The following PRKCE variants were observed in gnomAD, a reference collection of about 807,000 sequenced individuals.
PRKCE encodes protein kinase C epsilon type.
PRKCE carries 16 observed loss-of-function variants against 85.4 expected under a neutral mutation model. That is an observed-to-expected ratio of 0.19 (90% confidence interval 0.13 to 0.28). The LOEUF (loss-of-function observed/expected upper bound fraction) is 0.28, where lower values mean the gene tolerates loss of function less well. PRKCE is among the 10% of genes least tolerant of loss of function. The probability of loss-of-function intolerance (pLI) is 1.00; values close to 1 mark genes in which losing one functional copy is unlikely to be tolerated. For synonymous variants in PRKCE, 388 were observed against 371.5 expected (o/e 1.04, Z -0.51); for missense variants, 573 against 975.2 (o/e 0.59, Z 5.49).
intron 1 of PRKCE, among the ~76,000 whole-genome samples, chr2:45,777,573 C>T (rs749745612): frequency 6.6e-6 from 1 of 152,180 alleles, no homozygotes; most frequent in Non-Finnish European, 1.5e-5. Context: ...GCCAGACATA[C>T]GTCTAGCACC....
rs1275430532 is a variant in PRKCE at position 46,185,078 on chromosome 2, G to C, written c.*197G>C. ...ACCTGGTGACCAGAAGGCGCTCTCG[G>C]TTCTTGTCTCACCAGTAATGCAGAC... On this transcript the variant is annotated 3_prime_UTR_variant, in exon 15 of 15. Transcript: ENST00000306156. The surrounding 1 kb of genome is among the most constrained non-coding windows in gnomAD (Gnocchi z 4.7). The C allele has an allele frequency of 6.0e-6, 4 of 664,578 alleles. No homozygotes were observed. In the East Asian group the frequency reaches 1.1e-4, roughly 19 times the overall value. 41.2% of individuals were successfully genotyped at this position (664,578 alleles called of 1,614,324 possible).
intron 14 of PRKCE, among the ~76,000 whole-genome samples, chr2:46,173,787 CCAGA>C (rs914872960): frequency 6.9e-4 from 105 of 152,340 alleles, no homozygotes; most frequent in Non-Finnish European, 4.4e-5. Context: ...CAGCTAATTC[CCAGA>C]CAAACGATAG....
intron 2 of PRKCE, among the ~76,000 whole-genome samples, chr2:45,923,655 G>T (rs907741166): frequency 2.0e-5 from 3 of 152,200 alleles, no homozygotes; most frequent in Non-Finnish European, 2.9e-5. Context: ...AGCAATGTGT[G>T]CAGGTTTGTG....
chr2:45,651,841 G>C lies in PRKCE; in HGVS notation c.-260G>C, dbSNP rs908571136. The C allele has an allele frequency of 5.4e-6, 2 of 369,258 alleles. No individual in the cohort carries two copies. Among genetic ancestry groups the C allele is most frequent in the Non-Finnish European group, 9.8e-6 (2 of 203,826 alleles). The allele number at this position is 369,258 out of a possible 1,614,324, so 22.9% of individuals were successfully genotyped here. ...TTCTGGAGGTGCAGCTGGTGGTCGG[G>C]GGGAGAGACTTGCTCCAAACACGGA... On this transcript the variant is annotated 5_prime_UTR_variant, in exon 1 of 15. Coordinates refer to ENST00000306156, the MANE Select transcript of PRKCE (RefSeq NM_005400.3).
intron 2 of PRKCE, among the ~76,000 whole-genome samples, chr2:45,972,845 C>A (rs6752057): frequency 0.8 from 121,998 of 152,120 alleles, 49,421 homozygotes; most frequent in East Asian, 0.97. Flanking sequence ...GGAACTGCAA[C>A]TTTAATATGG....
chr2:46,005,488 T>A (rs560076264), intron 8 of PRKCE, among the ~76,000 whole-genome samples: 6 of 152,290 alleles, frequency 3.9e-5, no homozygotes, highest in African/African-American at 1.4e-4. Context: ...CCACTCTATG[T>A]TGGTGCTTCA....
intron 2 of PRKCE, among the ~76,000 whole-genome samples, chr2:45,898,821 A>G (rs1184126201): frequency 6.6e-6 from 1 of 152,218 alleles, no homozygotes; most frequent in Non-Finnish European, 1.5e-5. Context: ...CTGAACTCGC[A>G]TGAGGCCATG....
At chr2:45,761,039 A>T (rs571548884) in intron 1 of PRKCE, among the ~76,000 whole-genome samples, 23 of 152,080 alleles carry the variant, frequency 1.5e-4, no homozygotes, top group Admixed American at 5.2e-4. Context: ...CTTAAAAAAA[A>T]ATTTAAGGCC....
chr2:46,083,092 C>G (rs138542570), intron 10 of PRKCE, among the ~76,000 whole-genome samples: 1 of 152,170 alleles, frequency 6.6e-6, no homozygotes, highest in African/African-American at 2.4e-5. Context: ...GCTGGGATTA[C>G]AGGCATGCGC....
intron 1 of PRKCE, among the ~76,000 whole-genome samples, chr2:45,733,520 G>A (rs1323364172): frequency 6.6e-6 from 1 of 152,194 alleles, no homozygotes; most frequent in Non-Finnish European, 1.5e-5. Flanking sequence ...ACTAAGCAAG[G>A]TAAGGGGCAT....
At chr2:45,755,626 A>G (rs1683939687) in intron 1 of PRKCE, among the ~76,000 whole-genome samples, 1 of 152,204 alleles carries the variant, frequency 6.6e-6, no homozygotes. Flanking sequence ...AGTTGTAACC[A>G]TGTCTTATTC....
intron 14 of PRKCE, chr2:46,166,763 G>T (rs1410047533): frequency 6.6e-6 from 1 of 152,266 alleles, no homozygotes; most frequent in Non-Finnish European, 1.5e-5. Flanking sequence ...GGCCAAGGCA[G>T]GCAGATCACT....
intron 1 of PRKCE, among the ~76,000 whole-genome samples, chr2:45,832,420 C>G (rs1690506480): frequency 6.7e-6 from 1 of 149,936 alleles, no homozygotes; most frequent in Non-Finnish European, 1.5e-5. Context: ...TCAAGTGATT[C>G]TTCTGCCTCA....
In PRKCE at chr2:46,064,280, CAAAAAAAAAAAAA is replaced by C. The variant is rs58347072; in HGVS notation, c.1438-21918_1438-21906del. On this transcript the variant is annotated intron_variant, in intron 10 of 14. Coordinates refer to ENST00000306156, the MANE Select transcript of PRKCE (RefSeq NM_005400.3). ...TGGGTGACAGAGTGAGACTCTGTCT[CAAAAAAAAAAAAA>C]AAAAAAAAAGAAAAAGAAAATTGTT... Among the ~76,000 whole-genome samples, 44 of 90,846 alleles carry C rather than the reference CAAAAAAAAAAAAA, an allele frequency of 4.8e-4. 2 individuals carry two copies. The South Asian group carries it at 0.013, about 26-fold the overall frequency. The allele number at this position is 90,846 out of a possible 152,430, so 59.6% of individuals were successfully genotyped here. A position where few individuals can be genotyped will look rare whatever the true frequency, so the allele number is the denominator to read the frequency against.
chr2:45,662,924 A>C (rs1675743349), intron 1 of PRKCE, among the ~76,000 whole-genome samples: 1 of 152,212 alleles, frequency 6.6e-6, no homozygotes, highest in Non-Finnish European at 1.5e-5. Context: ...GTATGAACCT[A>C]TCTCCCTGCC....
rs369385591 is a variant in PRKCE at position 46,040,563 on chromosome 2, A to T, written c.1437+30046A>T. ...GAAGGGTTGAGAGCCACTGTCTAGG[A>T]CTTCCAGGGACACTTAACAGGATGT... is the stretch of plus-strand genomic sequence containing the variant. On this transcript the variant is annotated intron_variant, in intron 10 of 14. Coordinates refer to ENST00000306156, the MANE Select transcript of PRKCE (RefSeq NM_005400.3). Among the ~76,000 whole-genome samples the T allele has an allele frequency of 5.3e-5, 8 of 152,284 alleles. No homozygotes were observed. The South Asian group carries it at 1.2e-3, about 24-fold the overall frequency.
chr2:45,759,374 G>T (rs1332050377), intron 1 of PRKCE, among the ~76,000 whole-genome samples: 2 of 152,218 alleles, frequency 1.3e-5, no homozygotes, highest in African/African-American at 2.4e-5. Flanking sequence ...CGTGTGAGAG[G>T]AGGAGCCAGC....
intron 1 of PRKCE, chr2:45,698,093 C>T (rs924505716): frequency 1.2e-4 from 18 of 152,704 alleles, no homozygotes; most frequent in Admixed American, 1.1e-3. Flanking sequence ...GCTTTATTTT[C>T]ACAAATGCTC....
intron 13 of PRKCE, among the ~76,000 whole-genome samples, chr2:46,158,420 G>A (rs534445713): frequency 6.6e-6 from 1 of 152,300 alleles, no homozygotes; most frequent in African/African-American, 2.4e-5. Flanking sequence ...GTGTTAAAGT[G>A]GGGGTCACCT....
Sources: allele counts gnomAD v4.1 joint callset (sites outside exome capture counted in the v4.1 genomes callset), GRCh38; gene constraint gnomAD v4.1.1; non-coding constraint Gnocchi (gnomAD v3.1); transcripts MANE v1.5; gene names NCBI Gene and HGNC (gene_info 2026-07-23, HGNC 2026-07-21).